Variants in ANKS6 observed in about 807,000 individuals in gnomAD.
The protein encoded by ANKS6 is ankyrin repeat and SAM domain-containing protein 6.
In ANKS6, 47 loss-of-function variants were observed where a neutral mutation model predicts 77.9. That is an observed-to-expected ratio of 0.60 (90% CI 0.48 to 0.77). The LOEUF is 0.77. Among genes scored for constraint, ANKS6 ranks in the 30% least tolerant of loss-of-function variants. The pLI is 0.00. For missense variants in ANKS6, 1,150 were observed against 1,159.1 expected (o/e 0.99, Z 0.11); for synonymous variants, 488 against 501.7 (o/e 0.97, Z 0.37).
At position 98,791,351 on chromosome 9, in the gene ANKS6, A is replaced by G. The variant is rs1036873377; in HGVS notation, c.360-745T>C. On this transcript the variant is annotated intron_variant, in intron 1 of 14. Transcript: ENST00000353234. The surrounding 1 kb of genome is among the most constrained non-coding windows in gnomAD (Gnocchi z 4.3). Reference sequence around the variant, plus strand: ...TGGAGGCCTGCTGCCACCTGCTGGCAGGAATGTTTGTTGCAGGCGGCTGAG... The same window carrying G: ...TGGAGGCCTGCTGCCACCTGCTGGCGGGAATGTTTGTTGCAGGCGGCTGAG... Among the ~76,000 whole-genome samples the G allele has an allele frequency of 2.0e-5, 3 of 152,236 alleles. No individual in the cohort carries two copies. Among genetic ancestry groups the G allele is most frequent in the Non-Finnish European group, 4.4e-5 (3 of 68,042 alleles).
rs1175585152 is a variant in ANKS6 at position 98,791,727 on chromosome 9, C to A, written c.360-1121G>T. The stretch of plus-strand genomic sequence containing the variant: ...GATGCTCAGCCCTCCTTCCCGGGAG[C>A]CAGTTTTGCACCTCATCTAAACCCA... On this transcript the variant is annotated intron_variant, in intron 1 of 14. Coordinates refer to ENST00000353234, the MANE Select transcript of ANKS6 (RefSeq NM_173551.5). This position sits in a 1 kb window ranked among gnomAD's most constrained non-coding sequence, Gnocchi z 4.3. Among the ~76,000 whole-genome samples the A allele has an allele frequency of 1.3e-5, 2 of 152,128 alleles. No individual in the cohort carries two copies. The highest frequency in any genetic ancestry group is 2.9e-5 in the Non-Finnish European group (2 of 68,030).
At chr9:98,784,236 A>ACACTTGCTG in intron 3 of ANKS6, 79 bp from the exon 4 acceptor site, 1 of 1,333,418 alleles carries the variant, frequency 7.5e-7, no homozygotes, top group Non-Finnish European at 1.0e-6. Flanking sequence ...CATGTAACAA[A>ACACTTGCTG]CACTTGCTGG....
At chr9:98,740,840 T>A (rs950314917) in intron 14 of ANKS6, among the ~76,000 whole-genome samples, 6 of 152,184 alleles carry the variant, frequency 3.9e-5, no homozygotes, top group Non-Finnish European at 7.3e-5. Context: ...CTATCTAGCA[T>A]CTCAAAAAAT....
At chr9:98,744,811 T>C (rs991902938) in intron 14 of ANKS6, among the ~76,000 whole-genome samples, 3 of 151,894 alleles carry the variant, frequency 2.0e-5, no homozygotes, top group African/African-American at 7.3e-5. Flanking sequence ...GGAAAGCTGT[T>C]AGGCCAAGTG....
intron 5 of ANKS6, among the ~76,000 whole-genome samples, 187 bp downstream of exon 5, chr9:98,782,280 C>T (rs1174616513): frequency 6.6e-6 from 1 of 152,126 alleles, no homozygotes; most frequent in Non-Finnish European, 1.5e-5. Flanking sequence ...TGGTCCAAGT[C>T]CAGCGCTTCA....
Position 98,732,272 on chromosome 9 carries a change from G to A in ANKS6, c.*4247C>T, listed in dbSNP as rs893126069. 28 of 590,790 alleles carry A rather than the reference G, an allele frequency of 4.7e-5. No homozygotes were observed. Among genetic ancestry groups the A allele is most frequent in the East Asian group, 5.8e-5 (2 of 34,466 alleles). 36.6% of individuals were successfully genotyped at this position (590,790 alleles called of 1,614,324 possible). ...CCAAAGTTGTCCAGCCTCCGGCCTG[G>A]CCCATGTCTTCAGGCAGCTCTGAGG... On this transcript the variant is annotated 3_prime_UTR_variant, in exon 15 of 15. Transcript: ENST00000353234.
intron 10 of ANKS6, 117 bp from the exon 11 acceptor site, chr9:98,768,367 A>C: frequency 7.8e-7 from 1 of 1,280,114 alleles, no homozygotes; most frequent in Non-Finnish European, 1.1e-6. Context: ...TCCCTTCCCC[A>C]TGTGGCTCCA....
At chr9:98,795,913 T>C (rs1835148054) in intron 1 of ANKS6, 1 of 428,304 alleles carries the variant, frequency 2.3e-6, no homozygotes, top group Admixed American at 4.6e-5. Context: ...CAGATTCTAT[T>C]CTGAAAGGCC....
Position 98,796,104 on chromosome 9 carries a change from TCCCGGGCCC to T in ANKS6, c.359+20_359+28del. 1 of 1,315,240 alleles carries T rather than the reference TCCCGGGCCC, an allele frequency of 7.6e-7. No homozygotes were observed. The highest frequency in any genetic ancestry group is 9.7e-7 in the Non-Finnish European group (1 of 1,033,820). 81.5% of individuals were successfully genotyped at this position (1,315,240 alleles called of 1,614,324 possible). A position where few individuals can be genotyped will look rare whatever the true frequency, so the allele number is the denominator to read the frequency against. On this transcript the variant is annotated intron_variant, in intron 1 of 14. Transcript: ENST00000353234. ...GGGCCAGCGCCGGGCACCACTCTGG[TCCCGGGCCC>T]CCGGGCCCCGCCGCCTCACCTGGCC...
At chr9:98,763,099 T>C (rs560652428) in intron 11 of ANKS6, among the ~76,000 whole-genome samples, 2 of 152,226 alleles carry the variant, frequency 1.3e-5, no homozygotes, top group East Asian at 1.9e-4. Context: ...AGTAAGAATA[T>C]AGAAGACATG....
chr9:98,751,383 T>G (rs1832423056), intron 12 of ANKS6, among the ~76,000 whole-genome samples: 1 of 152,184 alleles, frequency 6.6e-6, no homozygotes, highest in Non-Finnish European at 1.5e-5. Context: ...CCCTCCAGAC[T>G]GCGACCCTCA....
chr9:98,762,127 TAA>T (rs1485139585), intron 11 of ANKS6, among the ~76,000 whole-genome samples: 2 of 152,190 alleles, frequency 1.3e-5, no homozygotes, highest in African/African-American at 4.8e-5. Flanking sequence ...ATATTCCATA[TAA>T]TACATTTTCA....
chr9:98,796,495 C>A lies in ANKS6; in HGVS notation c.-4G>T, dbSNP rs560421745. ...GGGGCAGCCCGCCCTCGCCCATCGCCGCCGCCACGCGCGGCCCGCTCCCGT... is the reference window on the plus strand; with the variant it reads ...GGGGCAGCCCGCCCTCGCCCATCGCAGCCGCCACGCGCGGCCCGCTCCCGT... On this transcript the variant is annotated 5_prime_UTR_variant, in exon 1 of 15. Coordinates refer to ENST00000353234, the MANE Select transcript of ANKS6 (RefSeq NM_173551.5). 6.6e-3 allele frequency: 6,496 copies of A among 988,444 alleles called. 36 individuals are homozygous for A. Among genetic ancestry groups the A allele is most frequent in the South Asian group, 0.024 (541 of 22,140 alleles). The allele number at this position is 988,444 out of a possible 1,614,324, so 61.2% of individuals were successfully genotyped here.
Position 98,733,297 on chromosome 9 carries a change from C to A in ANKS6, c.*3222G>T, listed in dbSNP as rs1831303548. 1.0e-6 allele frequency: 1 copy of A among 985,408 alleles called. No homozygotes were observed. The highest frequency in any genetic ancestry group is 1.2e-6 in the Non-Finnish European group (1 of 830,012). The allele number at this position is 985,408 out of a possible 1,614,324, so 61.0% of individuals were successfully genotyped here. A position where few individuals can be genotyped will look rare whatever the true frequency, so the allele number is the denominator to read the frequency against. On this transcript the variant is annotated 3_prime_UTR_variant, in exon 15 of 15. Transcript: ENST00000353234. ...AAGAGAGGCAGGAGCCCTCCGTGGCCAGCAGGGACTTGGACATCCAGCACT... is the reference window on the plus strand; with the variant it reads ...AAGAGAGGCAGGAGCCCTCCGTGGCAAGCAGGGACTTGGACATCCAGCACT...
chr9:98,734,389 C>T lies in ANKS6; in HGVS notation c.*2130G>A. 1.0e-6 allele frequency: 1 copy of T among 985,398 alleles called. No homozygotes were observed. Among genetic ancestry groups the T allele is most frequent in the Non-Finnish European group, 1.2e-6 (1 of 829,958 alleles). The allele number at this position is 985,398 out of a possible 1,614,324, so 61.0% of individuals were successfully genotyped here. On this transcript the variant is annotated 3_prime_UTR_variant, in exon 15 of 15. Transcript: ENST00000353234. ...TCAATCAAACTTACCTGAGTGGAAG[C>T]TATACCAGTATATTGTTATGAAAAA...
Position 98,742,937 on chromosome 9 carries a change from C to T in ANKS6, c.2511+2622G>A, listed in dbSNP as rs540483777. Among the ~76,000 whole-genome samples the T allele has an allele frequency of 1.2e-4, 19 of 152,342 alleles. No homozygotes were observed. In the East Asian group the frequency reaches 3.7e-3, roughly 29 times the overall value. ...ACAATGTCCTCCATCGGGATGGGCT[C>T]AAGATGTCATGTCATTCACTCTGAT... On this transcript the variant is annotated intron_variant, in intron 14 of 14. Transcript: ENST00000353234.
chr9:98,795,311 G>T (rs1221314698), intron 1 of ANKS6, among the ~76,000 whole-genome samples: 1 of 152,012 alleles, frequency 6.6e-6, no homozygotes, highest in Non-Finnish European at 1.5e-5. Context: ...ACACTTCAAG[G>T]AAAGTAATTT....
At position 98,756,455 on chromosome 9, in the gene ANKS6, C is replaced by A. The variant is rs781035108; in HGVS notation, c.2291G>T (p.Ser764Ile). 6.2e-7 allele frequency: 1 copy of A among 1,613,584 alleles called. No individual in the cohort carries two copies. The highest frequency in any genetic ancestry group is 1.1e-5 in the South Asian group (1 of 91,070). The change falls in exon 12 of 15, where the codon AGT becomes ATT. Residue 764 changes from serine to isoleucine, a missense_variant. Ser to Ile is a moderately radical substitution (Grantham distance 142). Coordinates refer to ENST00000353234, the MANE Select transcript of ANKS6 (RefSeq NM_173551.5). ...GATGGTGCCACTGCTGGAGCCCCCA[C>A]TGCTCTTGGACTGCCGATGGGATGA... ...SSSSHRQSKS[S>I]GGSSSGTITD...
At position 98,732,971 on chromosome 9, in the gene ANKS6, C is replaced by T. The variant is rs1189514787; in HGVS notation, c.*3548G>A. The T allele has an allele frequency of 9.7e-7, 1 of 1,026,140 alleles. No individual in the cohort carries two copies. Among genetic ancestry groups the T allele is most frequent in the South Asian group, 3.5e-5 (1 of 28,402 alleles). 63.6% of individuals were successfully genotyped at this position (1,026,140 alleles called of 1,614,324 possible). A position where few individuals can be genotyped will look rare whatever the true frequency, so the allele number is the denominator to read the frequency against. Reference sequence around the variant, plus strand: ...TAAACCTGCCCTTTGAGGCCCCACTCCATCTCTCTCCTCTGGGGCGTGCCC... The same window carrying T: ...TAAACCTGCCCTTTGAGGCCCCACTTCATCTCTCTCCTCTGGGGCGTGCCC... On this transcript the variant is annotated 3_prime_UTR_variant, in exon 15 of 15. Transcript: ENST00000353234.
Sources: allele counts gnomAD v4.1 joint callset (sites outside exome capture counted in the v4.1 genomes callset), GRCh38; gene constraint gnomAD v4.1.1; non-coding constraint Gnocchi (gnomAD v3.1); transcripts MANE v1.5; gene names NCBI Gene and HGNC (gene_info 2026-07-23, HGNC 2026-07-21).